The following PRTFDC1 variants were observed in gnomAD, a reference collection of about 807,000 sequenced individuals.
PRTFDC1 encodes the protein phosphoribosyltransferase domain-containing protein 1.
A neutral mutation model predicts 34.6 loss-of-function variants in PRTFDC1; 38 were observed. That is an observed-to-expected ratio of 1.10 (90% CI 0.85 to 1.44). PRTFDC1 has a LOEUF of 1.44. Ranked by LOEUF, PRTFDC1 falls within the 40% of genes most tolerant of loss-of-function variation. PRTFDC1 has a pLI of 0.00. For missense variants in PRTFDC1, 270 were observed against 283.0 expected, an observed-to-expected ratio of 0.95 and a Z score of 0.33; for synonymous variants, 93 against 98.1, an observed-to-expected ratio of 0.95 and a Z score of 0.31.
At chr10:24,944,307 A>G (rs571708634) in intron 1 of PRTFDC1, among the ~76,000 whole-genome samples, 42 of 152,194 alleles carry the variant, frequency 2.8e-4, no homozygotes, top group African/African-American at 9.9e-4. Flanking sequence ...GCAGAAAACT[A>G]TCTTCAACTC....
At chr10:24,934,711 A>G (rs971896734) in intron 3 of PRTFDC1, among the ~76,000 whole-genome samples, 5 of 152,152 alleles carry the variant, frequency 3.3e-5, no homozygotes, top group South Asian at 2.1e-4. Context: ...GACCGAACCA[A>G]CGTACACTGT....
chr10:24,888,173 C>T (rs1848201597), intron 3 of PRTFDC1, among the ~76,000 whole-genome samples: 2 of 152,308 alleles, frequency 1.3e-5, no homozygotes, highest in Non-Finnish European at 2.9e-5. Context: ...GCACCAGGCC[C>T]ACTTCTGCTG....
At chr10:24,877,261 C>G (rs1847982602) in intron 3 of PRTFDC1, among the ~76,000 whole-genome samples, 1 of 152,122 alleles carries the variant, frequency 6.6e-6, no homozygotes. Flanking sequence ...TCTCAAACAA[C>G]TGGGCTACAG....
chr10:24,870,593 T>A (rs74122886), intron 4 of PRTFDC1, among the ~76,000 whole-genome samples: 1 of 152,332 alleles, frequency 6.6e-6, no homozygotes, highest in Admixed American at 6.5e-5. Context: ...TTAAAACTTA[T>A]GAATTTCTGG....
intron 3 of PRTFDC1, among the ~76,000 whole-genome samples, chr10:24,889,265 G>A (rs920976458): frequency 3.3e-5 from 5 of 151,986 alleles, no homozygotes; most frequent in African/African-American, 7.2e-5. Context: ...CCTAGAACAC[G>A]CCCGATCTCG....
chr10:24,896,946 G>A (rs765888639), intron 3 of PRTFDC1, among the ~76,000 whole-genome samples: 3 of 152,158 alleles, frequency 2.0e-5, no homozygotes, highest in East Asian at 1.9e-4. Flanking sequence ...GTGGTGGTGC[G>A]AGTCCGTGGT....
At chr10:24,863,452 C>T (rs1036680903) in intron 4 of PRTFDC1, among the ~76,000 whole-genome samples, 2 of 152,188 alleles carry the variant, frequency 1.3e-5, no homozygotes, top group Non-Finnish European at 2.9e-5. Context: ...CATTAACAAT[C>T]TACCTGGTCA....
chr10:24,860,521 T>C (rs976180085), intron 4 of PRTFDC1, among the ~76,000 whole-genome samples: 1 of 152,250 alleles, frequency 6.6e-6, no homozygotes, highest in African/African-American at 2.4e-5. Flanking sequence ...TTGCACCGTA[T>C]ATCAAACACA....
chr10:24,933,299 A>C (rs963556882), intron 3 of PRTFDC1, among the ~76,000 whole-genome samples: 1 of 152,106 alleles, frequency 6.6e-6, no homozygotes, highest in African/African-American at 2.4e-5. Context: ...TCTTTGAAAA[A>C]CAAAATGAAA....
chr10:24,873,017 A>T (rs572838381), intron 3 of PRTFDC1, among the ~76,000 whole-genome samples: 2 of 151,648 alleles, frequency 1.3e-5, no homozygotes, highest in African/African-American at 4.8e-5. Context: ...GTACAGAAAA[A>T]GTCTTGCTAT....
intron 3 of PRTFDC1, among the ~76,000 whole-genome samples, chr10:24,909,852 C>T (rs995331350): frequency 2.6e-5 from 4 of 151,986 alleles, no homozygotes; most frequent in South Asian, 2.1e-4. Context: ...AACATTCCAA[C>T]GAAATACATA....
chr10:24,881,095 C>G (rs1848073735), intron 3 of PRTFDC1, among the ~76,000 whole-genome samples: 1 of 148,478 alleles, frequency 6.7e-6, no homozygotes, highest in South Asian at 2.2e-4. Context: ...TTTCTCAGAG[C>G]CTGACTCTGT....
At position 24,925,062 on chromosome 10, in the gene PRTFDC1, A is replaced by G. The variant is rs562478429; in HGVS notation, c.339+12122T>C. On this transcript the variant is annotated intron_variant, in intron 3 of 8. Transcript: ENST00000320152. Reference sequence around the variant, plus strand: ...CTCTTCACAATAGCAAAGACTTGGAACCAACTCAAATGTCCATCAATGATA... The same window carrying G: ...CTCTTCACAATAGCAAAGACTTGGAGCCAACTCAAATGTCCATCAATGATA... Among the ~76,000 whole-genome samples, 10 of 152,362 alleles carry G rather than the reference A, an allele frequency of 6.6e-5. No homozygotes were observed. In the East Asian group the frequency reaches 1.5e-3, roughly 24 times the overall value.
intron 2 of PRTFDC1, among the ~76,000 whole-genome samples, chr10:24,938,624 A>C (rs1246118517): frequency 1.3e-5 from 2 of 152,202 alleles, no homozygotes; most frequent in East Asian, 3.9e-4. Context: ...TGAGCAGTGC[A>C]CTGGCAGGCT....
intron 3 of PRTFDC1, among the ~76,000 whole-genome samples, chr10:24,916,093 C>A (rs1230793560): frequency 6.6e-6 from 1 of 152,160 alleles, no homozygotes; most frequent in Non-Finnish European, 1.5e-5. Context: ...AGTTTATACA[C>A]TTGCTCAGGC....
chr10:24,880,178 G>A (rs1484919564), intron 3 of PRTFDC1, among the ~76,000 whole-genome samples: 1 of 152,036 alleles, frequency 6.6e-6, no homozygotes, highest in African/African-American at 2.4e-5. Flanking sequence ...AAAGTGCCTG[G>A]TATTTTATAA....
intron 3 of PRTFDC1, among the ~76,000 whole-genome samples, chr10:24,874,205 C>T (rs1847923570): frequency 6.6e-6 from 1 of 152,018 alleles, no homozygotes; most frequent in African/African-American, 2.4e-5. Flanking sequence ...TTAGATAAAA[C>T]CAGTGATTTT....
At chr10:24,913,152 G>A (rs886276237) in intron 3 of PRTFDC1, among the ~76,000 whole-genome samples, 7 of 152,266 alleles carry the variant, frequency 4.6e-5, no homozygotes, top group Middle Eastern at 3.4e-3. Flanking sequence ...GAGAAAACAC[G>A]AACTTCACTA....
At chr10:24,881,033 CTCTTTCTT>C (rs56134563) in intron 3 of PRTFDC1, among the ~76,000 whole-genome samples, 2 of 132,130 alleles carry the variant, frequency 1.5e-5, no homozygotes, top group African/African-American at 2.9e-5. Context: ...CTCTCTCTAT[CTCTTTCTT>C]TCTTTCTTTC....
Sources: allele counts gnomAD v4.1 joint callset (sites outside exome capture counted in the v4.1 genomes callset), GRCh38; gene constraint gnomAD v4.1.1; transcripts MANE v1.5; gene names NCBI Gene and HGNC (gene_info 2026-07-23, HGNC 2026-07-21).